EHBP1: variants seen among roughly 807,000 people sequenced by gnomAD.
EHBP1 encodes EH domain-binding protein 1.
Under a neutral mutation model 144.0 loss-of-function variants are expected in EHBP1, and 55 were observed. The observed-to-expected ratio is 0.38, with a 90% CI of 0.31 to 0.48. EHBP1 has a LOEUF of 0.48. Among genes scored for constraint, EHBP1 ranks in the 20% least tolerant of loss-of-function variants. The pLI, the probability that EHBP1 is intolerant of heterozygous loss-of-function variation, is 0.98. For missense variants in EHBP1, 1,200 were observed against 1,364.2 expected, an observed-to-expected ratio of 0.88 and a Z score of 1.90; for synonymous variants, 469 against 472.7, an observed-to-expected ratio of 0.99 and a Z score of 0.10.
intron 10 of EHBP1, among the ~76,000 whole-genome samples, chr2:62,923,917 C>A (rs999329657): frequency 2.3e-4 from 35 of 152,318 alleles, no homozygotes; most frequent in Admixed American, 2.3e-3. Flanking sequence ...CGATCCACCT[C>A]CAGTGGACAC....
intron 19 of EHBP1, among the ~76,000 whole-genome samples, chr2:63,028,574 T>C (rs779905192): frequency 6.6e-6 from 1 of 152,116 alleles, no homozygotes; most frequent in African/African-American, 2.4e-5. Context: ...AGCCAATTTG[T>C]AGAGACTTTA....
chr2:62,895,620 T>A (rs1466441793), intron 10 of EHBP1, among the ~76,000 whole-genome samples: 2 of 152,144 alleles, frequency 1.3e-5, no homozygotes, highest in African/African-American at 4.8e-5. Flanking sequence ...ATGATCAGAT[T>A]TCAATAGAAT....
intron 5 of EHBP1, among the ~76,000 whole-genome samples, chr2:62,812,910 A>C (rs2152539015): frequency 6.6e-6 from 1 of 152,340 alleles, no homozygotes; most frequent in Non-Finnish European, 1.5e-5. Context: ...CATCTTTAGG[A>C]GAGCAAACTA....
intron 3 of EHBP1, among the ~76,000 whole-genome samples, chr2:62,750,465 A>G (rs1439458838): frequency 2.0e-5 from 3 of 152,098 alleles, no homozygotes; most frequent in Non-Finnish European, 2.9e-5. Flanking sequence ...TTGGCAATGC[A>G]GGCTCTTTTT....
intron 19 of EHBP1, among the ~76,000 whole-genome samples, chr2:63,019,496 T>G (rs927412603): frequency 1.3e-5 from 2 of 151,828 alleles, no homozygotes; most frequent in African/African-American, 4.8e-5. Flanking sequence ...ATCACGAGGT[T>G]ATGAGTTTGA....
At chr2:63,031,363 T>C (rs2061240679) in intron 19 of EHBP1, among the ~76,000 whole-genome samples, 1 of 152,156 alleles carries the variant, frequency 6.6e-6, no homozygotes, top group African/African-American at 2.4e-5. Context: ...GGTCGCTTAA[T>C]TGATTCTCCA....
chr2:63,002,962 C>T (rs2059906301), intron 19 of EHBP1, among the ~76,000 whole-genome samples: 1 of 151,984 alleles, frequency 6.6e-6, no homozygotes, highest in Non-Finnish European at 1.5e-5. Flanking sequence ...GTGTATCTTT[C>T]TCTGATTTAC....
intron 7 of EHBP1, among the ~76,000 whole-genome samples, chr2:62,835,332 T>G (rs1447991232): frequency 6.6e-6 from 1 of 152,206 alleles, no homozygotes; most frequent in East Asian, 1.9e-4. Context: ...TTTTCTTAGA[T>G]TTTCTGTATT....
intron 10 of EHBP1, among the ~76,000 whole-genome samples, chr2:62,919,132 A>G (rs1178234545): frequency 6.6e-6 from 1 of 152,176 alleles, no homozygotes; most frequent in Non-Finnish European, 1.5e-5. Flanking sequence ...TCTTTCAAAT[A>G]TCCGAAATTT....
chr2:62,854,767 C>A (rs911870980), intron 7 of EHBP1, among the ~76,000 whole-genome samples: 6 of 152,150 alleles, frequency 3.9e-5, no homozygotes, highest in Non-Finnish European at 7.3e-5. Flanking sequence ...AGCGGTGGGC[C>A]GTCTGGAGTG....
chr2:62,829,595 G>GTA (rs1199161934), intron 6 of EHBP1, among the ~76,000 whole-genome samples: 5 of 90,628 alleles, frequency 5.5e-5, no homozygotes, highest in East Asian at 4.8e-4. Flanking sequence ...GTGTGTGTGT[G>GTA]TATATATATA....
At chr2:62,898,841 G>A (rs2053163754) in intron 10 of EHBP1, among the ~76,000 whole-genome samples, 1 of 152,146 alleles carries the variant, frequency 6.6e-6, no homozygotes, top group South Asian at 2.1e-4. Flanking sequence ...CTTTAATAGA[G>A]AAAGAGAATG....
chr2:62,867,592 G>GA (rs1176965689), intron 9 of EHBP1, among the ~76,000 whole-genome samples: 1 of 152,022 alleles, frequency 6.6e-6, no homozygotes, highest in Non-Finnish European at 1.5e-5. Context: ...AAATCAATGG[G>GA]AAAAAATACA....
intron 6 of EHBP1, among the ~76,000 whole-genome samples, chr2:62,827,466 G>T (rs1195842978): frequency 6.6e-6 from 1 of 152,206 alleles, no homozygotes; most frequent in South Asian, 2.1e-4. Flanking sequence ...AAAGCTGTAA[G>T]TGAATCAGCA....
intron 3 of EHBP1, among the ~76,000 whole-genome samples, chr2:62,763,313 A>C (rs1053111454): frequency 5.3e-5 from 8 of 150,906 alleles, no homozygotes; most frequent in Admixed American, 4.6e-4. Context: ...TGTATTGTAA[A>C]CTCCCCCAAG....
intron 5 of EHBP1, among the ~76,000 whole-genome samples, chr2:62,807,217 A>G (rs1226666172): frequency 1.3e-5 from 2 of 152,248 alleles, no homozygotes; most frequent in East Asian, 1.9e-4. Flanking sequence ...TGCAATTACT[A>G]CTTTACACAA....
chr2:62,891,153 G>T (rs1287098593), intron 10 of EHBP1, among the ~76,000 whole-genome samples: 1 of 146,776 alleles, frequency 6.8e-6, no homozygotes, highest in Non-Finnish European at 1.5e-5. Context: ...CTCCAGCCTG[G>T]GCGACAAAAA....
At chr2:62,812,250 A>G (rs1235078944) in intron 5 of EHBP1, among the ~76,000 whole-genome samples, 3 of 152,122 alleles carry the variant, frequency 2.0e-5, no homozygotes, top group Non-Finnish European at 4.4e-5. Context: ...TTCTTAATAA[A>G]TTACCCACTC....
chr2:62,732,390 T>C (rs931329899), intron 2 of EHBP1, among the ~76,000 whole-genome samples: 2 of 152,168 alleles, frequency 1.3e-5, no homozygotes, highest in African/African-American at 4.8e-5. Flanking sequence ...CTGATACGGT[T>C]TGGATCTGTG....
Sources: allele counts gnomAD v4.1 joint callset (sites outside exome capture counted in the v4.1 genomes callset), GRCh38; gene constraint gnomAD v4.1.1; transcripts MANE v1.5; gene names NCBI Gene and HGNC (gene_info 2026-07-23, HGNC 2026-07-21).